BCL2L14: variants seen among roughly 807,000 people sequenced by gnomAD.
BCL2L14 encodes apoptosis facilitator Bcl-2-like protein 14.
A neutral mutation model predicts 35.3 loss-of-function variants in BCL2L14; 27 were observed. That is an observed-to-expected ratio of 0.76 (90% CI 0.56 to 1.05). The LOEUF is 1.05. Ranked by LOEUF, BCL2L14 falls within the 50% of genes least tolerant of loss-of-function variation. The pLI is 0.00. For synonymous variants in BCL2L14, 139 were observed against 145.9 expected (o/e 0.95, Z 0.34); for missense variants, 377 against 382.6 (o/e 0.99, Z 0.12).
intron 2 of BCL2L14, among the ~76,000 whole-genome samples, chr12:12,060,193 T>C (rs12427035): frequency 0.8 from 120,007 of 150,010 alleles, 48,200 homozygotes; most frequent in East Asian, 1. Flanking sequence ...TTTCGTTCCA[T>C]GACTAGCCCT....
chr12:12,083,124 CCGGCTAATTTTT>C (rs1447069709), intron 2 of BCL2L14, among the ~76,000 whole-genome samples: 3 of 152,090 alleles, frequency 2.0e-5, no homozygotes, highest in African/African-American at 7.2e-5. Context: ...ACCACCACGC[CCGGCTAATTTTT>C]TGTATTTTTA....
chr12:12,059,344 C>T (rs1298002610), intron 2 of BCL2L14, among the ~76,000 whole-genome samples: 1 of 152,048 alleles, frequency 6.6e-6, no homozygotes. Context: ...TTATCCTTCA[C>T]CCTTAGCGGC....
At position 12,095,877 on chromosome 12, in the gene BCL2L14, A is replaced by G. The variant is rs961560584; in HGVS notation, c.945+947A>G. 44 of 985,234 alleles carry G rather than the reference A, an allele frequency of 4.5e-5. No homozygotes were observed. In the African/African-American group the frequency reaches 6.8e-4, roughly 15 times the overall value. The allele number at this position is 985,234 out of a possible 1,614,324, so 61.0% of individuals were successfully genotyped here. A position where few individuals can be genotyped will look rare whatever the true frequency, so the allele number is the denominator to read the frequency against. On this transcript the variant is annotated intron_variant, in intron 5 of 5. Transcript: ENST00000308721. ...GTTTCTGTACATTGAGTTCCTTTCTATTTTCCACTTTTGCACCAAGTTTGA... is the reference window on the plus strand; with the variant it reads ...GTTTCTGTACATTGAGTTCCTTTCTGTTTTCCACTTTTGCACCAAGTTTGA...
chr12:12,096,069 C>T (rs1426193823), intron 5 of BCL2L14: 1 of 985,386 alleles, frequency 1.0e-6, no homozygotes, highest in Non-Finnish European at 1.2e-6. Flanking sequence ...GAGCCCTCAT[C>T]TGCCCCAAAG....
At chr12:12,066,608 C>T (rs1286612084), upstream of BCL2L14, among the ~76,000 whole-genome samples, 1 of 152,142 alleles carries the variant, frequency 6.6e-6, no homozygotes, top group Non-Finnish European at 1.5e-5. Flanking sequence ...TCTCAGGCAT[C>T]ATTTCTCAGG....
chr12:12,088,135 C>T (rs937995644), intron 3 of BCL2L14, among the ~76,000 whole-genome samples: 3 of 152,144 alleles, frequency 2.0e-5, no homozygotes, highest in Non-Finnish European at 2.9e-5. Context: ...TGGACACACA[C>T]AAGAAGTGAG....
At chr12:12,062,977 C>T (rs952077389) in intron 2 of BCL2L14, among the ~76,000 whole-genome samples, 18 of 152,342 alleles carry the variant, frequency 1.2e-4, no homozygotes, top group South Asian at 2.1e-4. Flanking sequence ...TTACCACTTT[C>T]GCTTCTCAGA....
At chr12:12,091,032 CT>C (rs1949178593) in intron 4 of BCL2L14, among the ~76,000 whole-genome samples, 183 bp downstream of exon 4, 1 of 152,182 alleles carries the variant, frequency 6.6e-6, no homozygotes, top group Non-Finnish European at 1.5e-5. Flanking sequence ...AAATGAGTCA[CT>C]TTGGAAAACA....
At chr12:12,069,625 G>A (rs1303089187), upstream of BCL2L14, among the ~76,000 whole-genome samples, 3 of 150,740 alleles carry the variant, frequency 2.0e-5, no homozygotes, top group Non-Finnish European at 4.4e-5. Context: ...GGAGAATGGC[G>A]TGAACCCAGG....
At position 12,098,948 on chromosome 12, in the gene BCL2L14, A is replaced by G. The variant is rs779438148; in HGVS notation, c.946-2A>G. 1 of 1,584,506 alleles carries G rather than the reference A, an allele frequency of 6.3e-7. No homozygotes were observed. On this transcript the variant is annotated splice_acceptor_variant, in intron 5 of 5. Coordinates refer to ENST00000308721, the MANE Select transcript of BCL2L14 (RefSeq NM_138723.2). LOFTEE classifies it high-confidence loss of function. Reference sequence around the variant, plus strand: ...TTTTAAGAACCTATTTTTCCCCTCTAGGAAAAAATACTTGGGATATCACAT... The same window carrying G: ...TTTTAAGAACCTATTTTTCCCCTCTGGGAAAAAATACTTGGGATATCACAT...
intron 2 of BCL2L14, among the ~76,000 whole-genome samples, chr12:12,060,818 G>A (rs1473539772): frequency 7.6e-6 from 1 of 131,122 alleles, no homozygotes; most frequent in Non-Finnish European, 1.6e-5. Context: ...CTGGCCGAAG[G>A]CTCTCTGACT....
chr12:12,073,451 G>C (rs1175538976), intron 1 of BCL2L14, among the ~76,000 whole-genome samples: 1 of 152,130 alleles, frequency 6.6e-6, no homozygotes, highest in Non-Finnish European at 1.5e-5. Flanking sequence ...TAAGTACTCT[G>C]TCTTGACTTC....
At chr12:12,070,432 C>T (rs1443160939), upstream of BCL2L14, among the ~76,000 whole-genome samples, 1 of 152,216 alleles carries the variant, frequency 6.6e-6, no homozygotes, top group Non-Finnish European at 1.5e-5. Context: ...CGCCTGTAAT[C>T]CCAGCACTTT....
In BCL2L14 at chr12:12,087,376, T is replaced by G. The variant is rs1949071241; in HGVS notation, c.597T>G (p.Ser199Arg). 1 of 1,614,088 alleles carries G rather than the reference T, an allele frequency of 6.2e-7. No homozygotes were observed. The highest frequency in any genetic ancestry group is 8.5e-7 in the Non-Finnish European group (1 of 1,180,004). The change falls in exon 3 of 6, where the codon AGT (serine) becomes AGG (arginine). Residue 199 changes from serine to arginine, a missense_variant. Transcript: ENST00000308721. ...AAGGCCACGTGCCTGTAGCTTCAAG[T>G]TCTAAGAAAGGTAAGCTTTCCTTCC... Reference protein sequence around the residue: ...QLQGHVPVASSSKKDEEEQIL... With the variant: ...QLQGHVPVASRSKKDEEEQIL...
At chr12:12,060,231 G>A (rs12422711) in intron 2 of BCL2L14, among the ~76,000 whole-genome samples, 120,255 of 150,200 alleles carry the variant, frequency 0.8, 48,350 homozygotes, top group East Asian at 1. Flanking sequence ...ATTTACTCTT[G>A]AAAAGGTGGC....
At position 12,053,366 on chromosome 12, in the gene BCL2L14, A is replaced by G. The variant is rs577479068; in HGVS notation, c.-272+1519A>G. Among the ~76,000 whole-genome samples, 627 of 152,018 alleles carry G rather than the reference A, an allele frequency of 4.1e-3. 5 individuals carry two copies. Among genetic ancestry groups the G allele is most frequent in the South Asian group, 0.026 (125 of 4,798 alleles). ...ACAAGGGCAGGGCTGAACTCAGCTC[A>G]GGGGACACAATCTATACCAGGACAA... On this transcript the variant is annotated intron_variant, in intron 2 of 3. Transcript: ENST00000461264.
rs148955153 is a variant in BCL2L14, at chr12:12,096,637, T to C, written c.945+1707T>C. Among the ~76,000 whole-genome samples, 6 of 152,222 alleles carry C rather than the reference T, an allele frequency of 3.9e-5. No homozygotes were observed. The East Asian group carries it at 9.6e-4, about 24-fold the overall frequency. Reference sequence around the variant, plus strand: ...TGGCTAAAAGCACATGAAAAGACGCTTGTTTGACATCTTCATTTCAACAGT... The same window carrying C: ...TGGCTAAAAGCACATGAAAAGACGCCTGTTTGACATCTTCATTTCAACAGT... On this transcript the variant is annotated intron_variant, in intron 5 of 5. Coordinates refer to ENST00000308721, the MANE Select transcript of BCL2L14 (RefSeq NM_138723.2).
At chr12:12,097,063 T>TG (rs1321417728) in intron 5 of BCL2L14, among the ~76,000 whole-genome samples, 1 of 152,010 alleles carries the variant, frequency 6.6e-6, no homozygotes, top group African/African-American at 2.4e-5. Context: ...GAGAATGGTG[T>TG]AAACCTGGGA....
chr12:12,079,069 A>G (rs1052970128), intron 1 of BCL2L14, among the ~76,000 whole-genome samples: 1 of 152,238 alleles, frequency 6.6e-6, no homozygotes, highest in Non-Finnish European at 1.5e-5. Flanking sequence ...TTTTGGGATT[A>G]CAGGCGTGAG....
Sources: allele counts gnomAD v4.1 joint callset (sites outside exome capture counted in the v4.1 genomes callset), GRCh38; gene constraint gnomAD v4.1.1; transcripts MANE v1.5; gene names NCBI Gene and HGNC (gene_info 2026-07-23, HGNC 2026-07-21).